LRBA: variants seen among roughly 807,000 people sequenced by gnomAD.
LRBA encodes lipopolysaccharide-responsive and beige-like anchor protein.
A neutral mutation model predicts 330.0 loss-of-function variants in LRBA; 176 were observed. That is an observed-to-expected ratio of 0.53 (90% CI 0.47 to 0.60). LRBA has a LOEUF of 0.60. Among genes scored for constraint, LRBA ranks in the 20% least tolerant of loss-of-function variants. The pLI is 0.00. For synonymous variants in LRBA, 1,230 were observed against 1,193.0 expected (o/e 1.03, Z -0.64); for missense variants, 3,259 against 3,444.8 (o/e 0.95, Z 1.35).
At chr4:150,862,104 T>C (rs1180859116) in intron 22 of LRBA, among the ~76,000 whole-genome samples, 1 of 152,160 alleles carries the variant, frequency 6.6e-6, no homozygotes, top group African/African-American at 2.4e-5. Context: ...AGTTCAACCA[T>C]TGTGGAAGAC....
At chr4:150,483,943 A>G (rs1757583669) in intron 42 of LRBA, among the ~76,000 whole-genome samples, 1 of 152,198 alleles carries the variant, frequency 6.6e-6, no homozygotes, top group South Asian at 2.1e-4. Context: ...GCTAGCATAC[A>G]GGGATAAAAT....
Position 150,277,880 on chromosome 4 carries a change from C to G in LRBA, c.8441G>C (p.Arg2814Pro), listed in dbSNP as rs746707676. 6.2e-7 allele frequency: 1 copy of G among 1,613,928 alleles called. No individual in the cohort carries two copies. The highest frequency in any genetic ancestry group is 1.3e-5 in the African/African-American group (1 of 74,878). Residue 2814 changes from arginine to proline, a missense_variant, in exon 56 of 57, where the codon CGG (arginine) becomes CCG (proline). Transcript: ENST00000651943. Reference protein sequence around the residue: ...FAYPGCDAGIRAMALSYDQRC... With the variant: ...FAYPGCDAGIPAMALSYDQRC... ...CTGGTCGTAAGACAGCGCCATGGCC[C>G]GGATTCCAGCGTCACATCCTGGATA... is the stretch of plus-strand genomic sequence containing the variant.
chr4:150,726,715 G>A (rs1300974765), intron 36 of LRBA, among the ~76,000 whole-genome samples: 1 of 152,096 alleles, frequency 6.6e-6, no homozygotes, highest in Non-Finnish European at 1.5e-5. Flanking sequence ...GAACATCATG[G>A]AAGAAACTGC....
At chr4:150,496,521 A>G (rs964222574) in intron 40 of LRBA, among the ~76,000 whole-genome samples, 1 of 152,072 alleles carries the variant, frequency 6.6e-6, no homozygotes, top group African/African-American at 2.4e-5. Flanking sequence ...TACATTTTAA[A>G]TGTTTTAAAA....
At chr4:150,769,762 AC>A (rs2126522595) in intron 34 of LRBA, among the ~76,000 whole-genome samples, 1 of 152,354 alleles carries the variant, frequency 6.6e-6, no homozygotes, top group African/African-American at 2.4e-5. Context: ...CAAATGACAC[AC>A]AAATTAACCA....
intron 2 of LRBA, among the ~76,000 whole-genome samples, chr4:150,964,808 A>G (rs1317776973): frequency 1.3e-5 from 2 of 152,220 alleles, no homozygotes; most frequent in African/African-American, 4.8e-5. Flanking sequence ...GAAACACCCA[A>G]GAATGATCAA....
chr4:150,454,781 T>C (rs1462239709), intron 44 of LRBA, among the ~76,000 whole-genome samples: 7 of 152,070 alleles, frequency 4.6e-5, no homozygotes, highest in Admixed American at 4.6e-4. Context: ...CCACTCTGTA[T>C]GCCTTTGCAT....
intron 2 of LRBA, among the ~76,000 whole-genome samples, chr4:150,988,726 G>A (rs1337451774): frequency 2.6e-5 from 4 of 151,854 alleles, no homozygotes; most frequent in Admixed American, 6.6e-5. Context: ...CTACAGCTGC[G>A]TACCACCATG....
chr4:150,321,338 G>A lies in LRBA; in HGVS notation c.7483C>T (p.Gln2495Ter), dbSNP rs1457700741. ...SPLMFTDKAQ[Q>*]DVIMVLKFPS... ...AACTTGAGGACCATGATAACATCCT[G>A]CTGGGCTTTGTCTGTGAACATCAAT... Residue 2495 changes from glutamine (Q) to a stop codon, truncating the protein, a stop_gained, in exon 50 of 57, where the codon CAG (glutamine) becomes TAG (stop). Coordinates refer to ENST00000651943, the MANE Select transcript of LRBA (RefSeq NM_001364905.1). LOFTEE classifies it high-confidence loss of function. The surrounding 1 kb of genome is among the most constrained non-coding windows in gnomAD (Gnocchi z 4.5). The A allele has an allele frequency of 3.1e-6, 5 of 1,604,058 alleles. No individual in the cohort carries two copies. The highest frequency in any genetic ancestry group is 4.2e-6 in the Non-Finnish European group (5 of 1,176,760).
At chr4:150,962,448 G>T (rs1347631116) in intron 2 of LRBA, among the ~76,000 whole-genome samples, 1 of 148,968 alleles carries the variant, frequency 6.7e-6, no homozygotes, top group African/African-American at 2.6e-5. Context: ...AGCCCGGGAA[G>T]TCCCAGCTAC....
chr4:150,556,661 T>A (rs1291446045), intron 40 of LRBA, among the ~76,000 whole-genome samples: 1 of 152,246 alleles, frequency 6.6e-6, no homozygotes, highest in African/African-American at 2.4e-5. Flanking sequence ...GAAATAAGCA[T>A]AATATTACTT....
Position 150,436,883 on chromosome 4 carries a change from A to T in LRBA, c.6781-19T>A, listed in dbSNP as rs1331657688. 9.9e-6 allele frequency: 16 copies of T among 1,610,824 alleles called. No homozygotes were observed. The East Asian group carries it at 3.6e-4, about 36-fold the overall frequency. ...CTATTGGCTGCCAATAGGGAGGGAA[A>T]AAACAAAGAATACATCAATGTAATC... On this transcript the variant is annotated intron_variant, in intron 44 of 56. Transcript: ENST00000651943.
intron 36 of LRBA, among the ~76,000 whole-genome samples, chr4:150,725,284 C>T (rs985461411): frequency 6.6e-6 from 1 of 151,944 alleles, no homozygotes; most frequent in Non-Finnish European, 1.5e-5. Flanking sequence ...AAGAAGATTA[C>T]CTCTGGGCAT....
At chr4:150,767,800 A>G (rs1200372654) in intron 34 of LRBA, among the ~76,000 whole-genome samples, 2 of 139,742 alleles carry the variant, frequency 1.4e-5, no homozygotes, top group African/African-American at 5.4e-5. Context: ...GCGGTGGCTC[A>G]CACGTGTAAT....
chr4:150,354,693 G>C (rs934739894), intron 47 of LRBA, among the ~76,000 whole-genome samples: 1 of 151,954 alleles, frequency 6.6e-6, no homozygotes, highest in African/African-American at 2.4e-5. Flanking sequence ...ACTCATATTA[G>C]TGTTGACAAA....
chr4:150,467,188 T>C (rs995828894), intron 44 of LRBA, among the ~76,000 whole-genome samples: 2 of 152,160 alleles, frequency 1.3e-5, no homozygotes, highest in African/African-American at 4.8e-5. Context: ...TTGAAATCTA[T>C]GAGTTCATAA....
intron 40 of LRBA, among the ~76,000 whole-genome samples, chr4:150,516,970 C>T (rs1032605664): frequency 3.3e-5 from 5 of 152,044 alleles, no homozygotes; most frequent in Non-Finnish European, 7.4e-5. Flanking sequence ...AAATCCAATG[C>T]AAATCACTGG....
rs1406921770 is a variant in LRBA at position 150,265,285 on chromosome 4, A to AGTT, written c.*434_*436dup. The AGTT allele has an allele frequency of 6.3e-6, 1 of 158,758 alleles. No individual in the cohort carries two copies. Among genetic ancestry groups the AGTT allele is most frequent in the East Asian group, 1.8e-4 (1 of 5,652 alleles). 9.8% of individuals were successfully genotyped at this position (158,758 alleles called of 1,614,324 possible). A position where few individuals can be genotyped will look rare whatever the true frequency, so the allele number is the denominator to read the frequency against. ...AGAAATATTAGTGCTGAAGAAGCAC[A>AGTT]GTTGTTTGGAAAAATACAGGACCCA... On this transcript the variant is annotated 3_prime_UTR_variant, in exon 57 of 57. Coordinates refer to ENST00000651943, the MANE Select transcript of LRBA (RefSeq NM_001364905.1).
chr4:150,993,129 A>T (rs1314882589), intron 2 of LRBA, among the ~76,000 whole-genome samples: 3 of 152,192 alleles, frequency 2.0e-5, no homozygotes, highest in Non-Finnish European at 4.4e-5. Flanking sequence ...ACAAAAAAAT[A>T]AAATTTAAAG....
Sources: gnomAD v4.1 joint callset for allele counts (sites outside exome capture counted in the v4.1 genomes callset) on GRCh38, gnomAD v4.1.1 for gene constraint, Gnocchi (gnomAD v3.1) non-coding constraint, MANE v1.5 for transcripts, NCBI Gene and HGNC (gene_info 2026-07-23, HGNC 2026-07-21) for gene names.